Variants in LATS2 observed in about 807,000 individuals in gnomAD.
LATS2 encodes serine/threonine-protein kinase LATS2.
Under a neutral mutation model 76.0 loss-of-function variants are expected in LATS2, and 24 were observed. That is an observed-to-expected ratio of 0.32 (90% CI 0.23 to 0.44). LATS2 has a LOEUF of 0.44. Among genes scored for constraint, LATS2 ranks in the 20% least tolerant of loss-of-function variants. LATS2 has a pLI of 1.00. For synonymous variants in LATS2, 692 were observed against 635.4 expected, an observed-to-expected ratio of 1.09 and a Z score of -1.34; for missense variants, 1,286 against 1,481.2, an observed-to-expected ratio of 0.87 and a Z score of 2.16.
chr13:21,015,009 C>T (rs1001800376), intron 2 of LATS2, among the ~76,000 whole-genome samples: 2 of 152,214 alleles, frequency 1.3e-5, no homozygotes, highest in African/African-American at 2.4e-5. Flanking sequence ...CGCTCACCGC[C>T]GTATCCCTGG....
intron 2 of LATS2, among the ~76,000 whole-genome samples, chr13:21,038,861 C>T (rs1872770268): frequency 6.6e-6 from 1 of 152,164 alleles, no homozygotes; most frequent in African/African-American, 2.4e-5. Flanking sequence ...TGCCTGTAAT[C>T]CCAGCTCCTC....
intron 7 of LATS2, among the ~76,000 whole-genome samples, chr13:20,977,120 G>A (rs970415269): frequency 2.6e-5 from 4 of 152,166 alleles, no homozygotes; most frequent in South Asian, 2.1e-4. Context: ...CCGAGGCCAG[G>A]CACAGTGGCT....
intron 1 of LATS2, among the ~76,000 whole-genome samples, chr13:21,053,233 CAAAAA>C (rs1194900665): frequency 2.6e-5 from 1 of 38,386 alleles, no homozygotes; most frequent in Non-Finnish European, 5.0e-5. Flanking sequence ...GACTCTGTCT[CAAAAA>C]AAAAAAAAAA....
At position 20,973,611 on chromosome 13, in the gene LATS2, CTT is replaced by C. The variant is rs1415777355; in HGVS notation, c.*1257_*1258del. The C allele has an allele frequency of 3.0e-5, 7 of 232,032 alleles. No individual in the cohort carries two copies. The highest frequency in any genetic ancestry group is 1.8e-4 in the East Asian group (3 of 16,268). The allele number at this position is 232,032 out of a possible 1,614,324, so 14.4% of individuals were successfully genotyped here. A position where few individuals can be genotyped will look rare whatever the true frequency, so the allele number is the denominator to read the frequency against. ...TTATTTCAATGTCATTTTGAAGAATCTTTGCTTTTTTACAAAGGTTAGGAATA... is the reference window on the plus strand; with the variant it reads ...TTATTTCAATGTCATTTTGAAGAATCTGCTTTTTTACAAAGGTTAGGAATA... On this transcript the variant is annotated 3_prime_UTR_variant, in exon 8 of 8. Transcript: ENST00000382592.
chr13:21,005,805 A>AG (rs1871239386), intron 2 of LATS2: 1 of 126,452 alleles, frequency 7.9e-6, no homozygotes, highest in Non-Finnish European at 1.6e-5. Context: ...CCCCTACTCT[A>AG]TAAAAAAAAA....
chr13:21,004,114 A>G (rs936181172), intron 2 of LATS2, among the ~76,000 whole-genome samples: 3 of 152,238 alleles, frequency 2.0e-5, no homozygotes, highest in Non-Finnish European at 2.9e-5. Flanking sequence ...ACAAAAGAAT[A>G]TAACATTCAA....
chr13:20,975,192 A>T lies in LATS2; in HGVS notation c.2945T>A (p.Ile982Asn). The change falls in exon 8 of 8, where the codon ATC becomes AAC. Residue 982 changes from isoleucine (I) to asparagine (N), a missense_variant. Physicochemically the swap from Ile to Asn is moderately radical, Grantham distance 149. Coordinates refer to ENST00000382592, the MANE Select transcript of LATS2 (RefSeq NM_014572.3). ...AACGTAGGGGGCTGGCTGCTTCCGG[A>T]TGTCACTGGAGAAGTCAATGGCGCT... ...FFSAIDFSSD[I>N]RKQPAPYVPT... is the part of the protein sequence containing the mutation. 3 of 1,614,130 alleles carry T rather than the reference A, an allele frequency of 1.9e-6. No individual in the cohort carries two copies. Among genetic ancestry groups the T allele is most frequent in the Non-Finnish European group, 2.5e-6 (3 of 1,180,026 alleles).
chr13:21,054,746 G>A (rs1873395737), intron 1 of LATS2, among the ~76,000 whole-genome samples: 1 of 143,494 alleles, frequency 7.0e-6, no homozygotes, highest in African/African-American at 2.6e-5. Flanking sequence ...GCCAGATCAG[G>A]AGTCCTGGTT....
intron 2 of LATS2, among the ~76,000 whole-genome samples, chr13:21,034,472 G>A (rs935805262): frequency 3.3e-5 from 5 of 152,292 alleles, no homozygotes; most frequent in African/African-American, 9.6e-5. Flanking sequence ...GAGCCGGCAC[G>A]TCCTTCCCTG....
chr13:21,009,665 G>A (rs1055848701), intron 2 of LATS2, among the ~76,000 whole-genome samples: 3 of 152,148 alleles, frequency 2.0e-5, no homozygotes, highest in African/African-American at 7.2e-5. Flanking sequence ...AGCATAAGAA[G>A]AAAATTCAAT....
At chr13:21,033,288 C>T (rs932175866) in intron 2 of LATS2, among the ~76,000 whole-genome samples, 6 of 151,846 alleles carry the variant, frequency 4.0e-5, no homozygotes, top group Admixed American at 2.6e-4. Flanking sequence ...GGTAGAGGGG[C>T]GAGAGAACAC....
chr13:21,004,584 C>T (rs1463122998), intron 2 of LATS2, among the ~76,000 whole-genome samples: 1 of 152,228 alleles, frequency 6.6e-6, no homozygotes, highest in Non-Finnish European at 1.5e-5. Context: ...ACACAGCATG[C>T]TGTTCTGGGC....
At chr13:21,009,390 T>C (rs949345722) in intron 2 of LATS2, among the ~76,000 whole-genome samples, 1 of 152,184 alleles carries the variant, frequency 6.6e-6, no homozygotes, top group African/African-American at 2.4e-5. Context: ...AAACTATTCC[T>C]GCAAACTGGT....
chr13:21,046,094 ACTGTC>A lies in LATS2; in HGVS notation c.-73_-69del. ...AGTGTTTTATTATTTAAAAAAAAAAACTGTCAATAGTATCAGTTTGTTGTAAACAT... is the reference window on the plus strand; with the variant it reads ...AGTGTTTTATTATTTAAAAAAAAAAAAATAGTATCAGTTTGTTGTAAACAT... On this transcript the variant is annotated 5_prime_UTR_variant, in exon 2 of 8. Transcript: ENST00000382592. 7.6e-6 allele frequency: 8 copies of A among 1,047,534 alleles called. No homozygotes were observed. The highest frequency in any genetic ancestry group is 1.1e-5 in the Non-Finnish European group (8 of 720,750). 64.9% of individuals were successfully genotyped at this position (1,047,534 alleles called of 1,614,324 possible). A position where few individuals can be genotyped will look rare whatever the true frequency, so the allele number is the denominator to read the frequency against.
chr13:21,041,310 C>A (rs188495153), intron 2 of LATS2, among the ~76,000 whole-genome samples: 1 of 152,274 alleles, frequency 6.6e-6, no homozygotes, highest in African/African-American at 2.4e-5. Context: ...CCCTGATTCA[C>A]TGAGCAGCTG....
At chr13:21,001,442 G>A (rs1871036875) in intron 2 of LATS2, among the ~76,000 whole-genome samples, 1 of 152,216 alleles carries the variant, frequency 6.6e-6, no homozygotes, top group African/African-American at 2.4e-5. Context: ...TGGCTGGCCT[G>A]TGATTTTCTC....
intron 2 of LATS2, among the ~76,000 whole-genome samples, chr13:21,002,666 T>C (rs1871102600): frequency 1.3e-5 from 2 of 152,004 alleles, no homozygotes; most frequent in South Asian, 2.1e-4. Flanking sequence ...GTGTGAGCCA[T>C]GGTGCCTGGC....
intron 2 of LATS2, among the ~76,000 whole-genome samples, chr13:20,998,761 C>CCGAGGCGGGGCGGGG (rs1490739781): frequency 6.6e-6 from 1 of 152,094 alleles, no homozygotes; most frequent in Admixed American, 6.5e-5. Context: ...CGGGGCGGGG[C>CCGAGGCGGGGCGGGG]CCGACAACCT....
At chr13:21,027,010 A>G (rs929335607) in intron 2 of LATS2, among the ~76,000 whole-genome samples, 4 of 152,096 alleles carry the variant, frequency 2.6e-5, no homozygotes, top group African/African-American at 7.2e-5. Flanking sequence ...CTTATTTGAC[A>G]TTCCTCTATA....
Sources: allele counts gnomAD v4.1 joint callset (sites outside exome capture counted in the v4.1 genomes callset), GRCh38; gene constraint gnomAD v4.1.1; transcripts MANE v1.5; gene names NCBI Gene and HGNC (gene_info 2026-07-23, HGNC 2026-07-21).